PXDNL: variants seen among roughly 807,000 people sequenced by gnomAD.
The protein encoded by PXDNL is probable oxidoreductase PXDNL.
A neutral mutation model predicts 150.8 loss-of-function variants in PXDNL; 145 were observed. The observed-to-expected ratio is 0.96, with a 90% confidence interval of 0.84 to 1.10. PXDNL has a LOEUF of 1.10. PXDNL is among the 50% of genes least tolerant of loss of function. PXDNL has a pLI of 0.00. For synonymous variants in PXDNL, 757 were observed against 725.7 expected, an observed-to-expected ratio of 1.04 and a Z score of -0.69; for missense variants, 2,087 against 1,873.9, an observed-to-expected ratio of 1.11 and a Z score of -2.10.
At chr8:51,341,854 G>A (rs1805992622) in intron 20 of PXDNL, among the ~76,000 whole-genome samples, 1 of 152,148 alleles carries the variant, frequency 6.6e-6, no homozygotes, top group South Asian at 2.1e-4. Context: ...TACAACGTTG[G>A]TGGAAATGTG....
rs9298461 is a variant in PXDNL at position 51,733,812 on chromosome 8, A to AATATATATATATATAT, written c.164+75353_164+75368dup. Among the ~76,000 whole-genome samples, 286 of 138,354 alleles carry AATATATATATATATAT rather than the reference A, an allele frequency of 2.1e-3. 1 individual carries two copies. The highest frequency in any genetic ancestry group is 7.1e-3 in the African/African-American group (263 of 36,848). 90.8% of individuals were successfully genotyped at this position (138,354 alleles called of 152,430 possible). A position where few individuals can be genotyped will look rare whatever the true frequency, so the allele number is the denominator to read the frequency against. ...GACACAGCAAGACTCTGTCTCAAAT[A>AATATATATATATATAT]ATATATATATATATATATATAATTT... On this transcript the variant is annotated intron_variant, in intron 1 of 22. Coordinates refer to ENST00000356297, the MANE Select transcript of PXDNL (RefSeq NM_144651.5).
intron 1 of PXDNL, among the ~76,000 whole-genome samples, chr8:51,667,038 C>A (rs1291982646): frequency 6.6e-6 from 1 of 152,118 alleles, no homozygotes; most frequent in Admixed American, 6.6e-5. Context: ...CCCTAGCACA[C>A]TGCAGGACAT....
intron 1 of PXDNL, among the ~76,000 whole-genome samples, chr8:51,772,305 C>T (rs1217045836): frequency 1.3e-5 from 2 of 151,908 alleles, no homozygotes; most frequent in Non-Finnish European, 2.9e-5. Flanking sequence ...TTGCATGCCC[C>T]ACTCTCTCTT....
intron 4 of PXDNL, among the ~76,000 whole-genome samples, chr8:51,512,959 G>T (rs555120900): frequency 1.3e-5 from 2 of 152,096 alleles, no homozygotes; most frequent in South Asian, 2.1e-4. Flanking sequence ...CCCAACCTAG[G>T]TTCTGTTCCA....
chr8:51,532,441 TACAGC>T (rs1811926187), intron 4 of PXDNL, among the ~76,000 whole-genome samples: 1 of 152,202 alleles, frequency 6.6e-6, no homozygotes, highest in African/African-American at 2.4e-5. Flanking sequence ...TCACAGTTAC[TACAGC>T]ATTAATGCCA....
At chr8:51,557,751 T>G (rs1322120917) in intron 3 of PXDNL, among the ~76,000 whole-genome samples, 1 of 152,178 alleles carries the variant, frequency 6.6e-6, no homozygotes, top group Non-Finnish European at 1.5e-5. Flanking sequence ...CAGGATATTT[T>G]CTAGATAATT....
At chr8:51,655,918 C>T (rs189732933) in intron 1 of PXDNL, among the ~76,000 whole-genome samples, 1 of 152,284 alleles carries the variant, frequency 6.6e-6, no homozygotes, top group Admixed American at 6.5e-5. Context: ...CCAGGATTGC[C>T]TGAGACCAAA....
intron 1 of PXDNL, among the ~76,000 whole-genome samples, chr8:51,727,970 A>C (rs1816845301): frequency 6.6e-6 from 1 of 152,242 alleles, no homozygotes; most frequent in Non-Finnish European, 1.5e-5. Flanking sequence ...AGAAAAGTTA[A>C]AAGTAAAATT....
In PXDNL at chr8:51,616,512, G is replaced by T. The variant is rs1368403905; in HGVS notation, c.237-23814C>A. ...CATAGCTATACAGATATCTGTGTATGTACAGTGGTCCCTGGGTATCTGTGA... is the reference window on the plus strand; with the variant it reads ...CATAGCTATACAGATATCTGTGTATTTACAGTGGTCCCTGGGTATCTGTGA... On this transcript the variant is annotated intron_variant, in intron 2 of 22. Transcript: ENST00000356297. 3.9e-5 allele frequency among the ~76,000 whole-genome samples: 6 copies of T among 152,200 alleles called. No individual in the cohort carries two copies. The East Asian group carries it at 1.2e-3, about 29-fold the overall frequency.
chr8:51,499,812 G>T, intron 4 of PXDNL, 42 bp from the exon 5 acceptor site: 1 of 1,298,080 alleles, frequency 7.7e-7, no homozygotes, highest in Non-Finnish European at 1.1e-6. Context: ...TTGTGCTGGT[G>T]AGTAAAATAA....
At chr8:51,645,099 C>T (rs1010703013) in intron 2 of PXDNL, among the ~76,000 whole-genome samples, 1 of 152,042 alleles carries the variant, frequency 6.6e-6, no homozygotes, top group Non-Finnish European at 1.5e-5. Flanking sequence ...GAGAGCTGGC[C>T]GGCTGTTGGT....
chr8:51,381,054 A>G (rs889117727), intron 17 of PXDNL, among the ~76,000 whole-genome samples: 1 of 152,148 alleles, frequency 6.6e-6, no homozygotes, highest in East Asian at 1.9e-4. Context: ...TAATTTTTAT[A>G]TACATTTATA....
chr8:51,735,247 G>A (rs568953099), intron 1 of PXDNL, among the ~76,000 whole-genome samples: 5 of 152,156 alleles, frequency 3.3e-5, no homozygotes, highest in Admixed American at 6.5e-5. Context: ...TTGGGATGTC[G>A]AGGTGAGTGG....
intron 3 of PXDNL, among the ~76,000 whole-genome samples, chr8:51,560,482 G>C (rs1284928235): frequency 6.6e-6 from 1 of 151,868 alleles, no homozygotes; most frequent in African/African-American, 2.4e-5. Context: ...CAGACCAGTA[G>C]GAAGTCCACA....
chr8:51,457,721 TC>T, intron 8 of PXDNL, 54 bp from the exon 9 acceptor site: 1 of 1,422,848 alleles, frequency 7.0e-7, no homozygotes, highest in Non-Finnish European at 9.7e-7. Context: ...TGTTTAAAAC[TC>T]TTAACAAGAC....
intron 20 of PXDNL, 131 bp from the exon 21 acceptor site, chr8:51,339,884 A>G (rs1379901885): frequency 6.1e-6 from 5 of 822,354 alleles, no homozygotes; most frequent in African/African-American, 1.7e-5. Context: ...GTGATCTTAA[A>G]AGGAAAATGG....
intron 4 of PXDNL, among the ~76,000 whole-genome samples, chr8:51,541,321 C>T (rs1413224499): frequency 6.6e-6 from 1 of 151,508 alleles, no homozygotes; most frequent in Non-Finnish European, 1.5e-5. Context: ...TCGGTTTGAT[C>T]CTTTCAGGTT....
intron 1 of PXDNL, among the ~76,000 whole-genome samples, chr8:51,808,702 G>A (rs1407620694): frequency 6.6e-6 from 1 of 152,126 alleles, no homozygotes; most frequent in East Asian, 1.9e-4. Flanking sequence ...AGTGCTGAGG[G>A]CTCAGGACTT....
In PXDNL at chr8:51,537,756, A is replaced by G. The variant is rs1388849780; in HGVS notation, c.380+19084T>C. On this transcript the variant is annotated intron_variant, in intron 4 of 22. Coordinates refer to ENST00000356297, the MANE Select transcript of PXDNL (RefSeq NM_144651.5). The stretch of plus-strand genomic sequence containing the variant: ...TTTCAAAGTAAGTTATGCTCTTTAC[A>G]TCATACGGGTTTTATCTAGAATTGC... Among the ~76,000 whole-genome samples the G allele has an allele frequency of 2.0e-5, 3 of 152,214 alleles. No homozygotes were observed. In the East Asian group the frequency reaches 5.8e-4, roughly 29 times the overall value.
Sources: gnomAD v4.1 joint callset for allele counts (sites outside exome capture counted in the v4.1 genomes callset) on GRCh38, gnomAD v4.1.1 for gene constraint, MANE v1.5 for transcripts, NCBI Gene and HGNC (gene_info 2026-07-23, HGNC 2026-07-21) for gene names.